KAZN: variants seen among roughly 807,000 people sequenced by gnomAD.
KAZN encodes the protein kazrin.
A neutral mutation model predicts 87.4 loss-of-function variants in KAZN; 40 were observed. The observed-to-expected ratio is 0.46, with a 90% confidence interval of 0.36 to 0.60. The LOEUF is 0.60. Ranked by LOEUF, KAZN falls within the 20% of genes least tolerant of loss-of-function variation. The pLI is 0.00. For synonymous variants in KAZN, 466 were observed against 458.3 expected (o/e 1.02, Z -0.22); for missense variants, 898 against 1,073.9 (o/e 0.84, Z 2.29).
At chr1:14,411,064 TTAAAA>T (rs1234961574) in intron 2 of KAZN, among the ~76,000 whole-genome samples, 3 of 152,062 alleles carry the variant, frequency 2.0e-5, no homozygotes, top group African/African-American at 4.8e-5. Flanking sequence ...GAAAGATAAA[TTAAAA>T]TAAATCTACA....
chr1:14,722,027 T>C (rs1253147180), intron 1 of KAZN, among the ~76,000 whole-genome samples: 1 of 151,964 alleles, frequency 6.6e-6, no homozygotes, highest in Non-Finnish European at 1.5e-5. Flanking sequence ...TGGTGGTGCA[T>C]GCCTGTAATC....
rs1448579195 is a variant in KAZN, at chr1:14,055,034, A to G, written c.92-125401A>G. 2.0e-5 allele frequency among the ~76,000 whole-genome samples: 3 copies of G among 152,184 alleles called. No homozygotes were observed. In the East Asian group the frequency reaches 5.8e-4, roughly 29 times the overall value. The stretch of plus-strand genomic sequence containing the variant: ...CATCTATGGCCTCTACTCACTAGAT[A>G]TCAGTGGTCCTTATCTTCACCTTCC... On this transcript the variant is annotated intron_variant, in intron 1 of 16. Coordinates refer to the KAZN transcript ENST00000636203.
At chr1:14,042,090 A>G (rs1317705756) in intron 1 of KAZN, among the ~76,000 whole-genome samples, 1 of 151,702 alleles carries the variant, frequency 6.6e-6, no homozygotes, top group Non-Finnish European at 1.5e-5. Context: ...TTTGTCTACT[A>G]CTTATTGTTT....
chr1:14,032,587 C>G (rs953141166), intron 1 of KAZN, among the ~76,000 whole-genome samples: 2 of 152,162 alleles, frequency 1.3e-5, no homozygotes, highest in African/African-American at 4.8e-5. Context: ...ACTTTTTCCT[C>G]TCTCTCAGTC....
intron 1 of KAZN, among the ~76,000 whole-genome samples, chr1:14,007,565 T>G (rs568232340): frequency 9.8e-5 from 15 of 152,344 alleles, no homozygotes; most frequent in Admixed American, 5.2e-4. Context: ...ACACTATCCA[T>G]GTCTGGCACT....
intron 1 of KAZN, among the ~76,000 whole-genome samples, chr1:13,993,354 G>C (rs1419078377): frequency 6.6e-6 from 1 of 152,062 alleles, no homozygotes; most frequent in Non-Finnish European, 1.5e-5. Context: ...GAGTTTACCA[G>C]GTTTTAGTAA....
chr1:14,596,060 G>A (rs142643318), upstream of KAZN, among the ~76,000 whole-genome samples: 288 of 152,192 alleles, frequency 1.9e-3, no homozygotes, highest in Middle Eastern at 3.4e-3. Context: ...TCTCACTGAA[G>A]AGCAAAATGA....
At chr1:14,558,896 G>A (rs1674081556) in intron 2 of KAZN, among the ~76,000 whole-genome samples, 1 of 152,122 alleles carries the variant, frequency 6.6e-6, no homozygotes, top group Admixed American at 6.5e-5. Context: ...CAGTCTCATG[G>A]GGCATGGAGA....
intron 1 of KAZN, among the ~76,000 whole-genome samples, chr1:14,019,056 A>C (rs1289051999): frequency 2.6e-5 from 4 of 152,146 alleles, no homozygotes; most frequent in Non-Finnish European, 5.9e-5. Flanking sequence ...GTGGCCTTTT[A>C]ACTTTCAAAA....
At chr1:14,520,514 G>T (rs1671530286) in intron 2 of KAZN, among the ~76,000 whole-genome samples, 2 of 152,168 alleles carry the variant, frequency 1.3e-5, no homozygotes, top group South Asian at 4.1e-4. Context: ...CTAATCCAAT[G>T]CCCATCTCCA....
At chr1:14,774,061 A>G (rs1003082381) in intron 1 of KAZN, among the ~76,000 whole-genome samples, 1 of 152,204 alleles carries the variant, frequency 6.6e-6, no homozygotes, top group South Asian at 2.1e-4. Flanking sequence ...AGGAGACCCA[A>G]CGCTAGCAAA....
intron 2 of KAZN, among the ~76,000 whole-genome samples, chr1:14,514,380 A>AT (rs1671116663): frequency 4.6e-5 from 1 of 21,744 alleles, no homozygotes; most frequent in African/African-American, 1.9e-4. Context: ...TATATAATAT[A>AT]TATATATTAT....
chr1:15,082,708 T>C (rs986955510), intron 8 of KAZN, among the ~76,000 whole-genome samples: 1 of 152,204 alleles, frequency 6.6e-6, no homozygotes, highest in Non-Finnish European at 1.5e-5. Context: ...TTTTGTTTTG[T>C]TTGAGACGGA....
At chr1:14,809,796 GCT>G (rs1244103838) in intron 1 of KAZN, among the ~76,000 whole-genome samples, 1 of 152,144 alleles carries the variant, frequency 6.6e-6, no homozygotes, top group East Asian at 1.9e-4. Flanking sequence ...TGGCTGGGAG[GCT>G]TGCAGTCTGA....
At chr1:14,124,941 A>G (rs1273028018) in intron 1 of KAZN, among the ~76,000 whole-genome samples, 1 of 152,152 alleles carries the variant, frequency 6.6e-6, no homozygotes, top group Non-Finnish European at 1.5e-5. Context: ...TAAGTGAATC[A>G]ATAAGGGCTT....
rs138524484 is a variant in KAZN at position 14,259,890 on chromosome 1, T to C, written c.249+79298T>C. On this transcript the variant is annotated intron_variant, in intron 2 of 16. Transcript: ENST00000636203. ...AGGAAATACCAGAGCTGCAGAGATA[T>C]TGATCACTCTCCCCTTGAACATATA... Among the ~76,000 whole-genome samples the C allele has an allele frequency of 8.3e-3, 1,258 of 152,304 alleles. 8 individuals are homozygous for C. Among genetic ancestry groups the C allele is most frequent in the Non-Finnish European group, 0.013 (904 of 68,008 alleles).
At chr1:15,067,722 G>A (rs1444145637) in intron 8 of KAZN, 1 of 985,330 alleles carries the variant, frequency 1.0e-6, no homozygotes, top group East Asian at 1.1e-4. Flanking sequence ...ACAGCAAGCA[G>A]GCAGAGGCCC....
At position 15,114,457 on chromosome 1, in the gene KAZN, TC is replaced by T; in HGVS notation, c.2164-13del. 6.3e-7 allele frequency: 1 copy of T among 1,599,638 alleles called. No homozygotes were observed. The highest frequency in any genetic ancestry group is 1.1e-5 in the South Asian group (1 of 88,764). ...TCTTCTTCCTGTCCTTTGATCATAT[TC>T]TTCTCTTCTCAGCTGCCCCTGGGGA... On this transcript the variant is annotated splice_polypyrimidine_tract_variant and intron_variant, in intron 14 of 14. Transcript: ENST00000376030.
intron 2 of KAZN, among the ~76,000 whole-genome samples, chr1:14,395,757 G>A (rs1341760829): frequency 6.6e-6 from 1 of 152,176 alleles, no homozygotes; most frequent in East Asian, 1.9e-4. Flanking sequence ...CTCGCGCTGA[G>A]TTAGAAGACG....
Sources: allele counts gnomAD v4.1 joint callset (sites outside exome capture counted in the v4.1 genomes callset), GRCh38; gene constraint gnomAD v4.1.1; transcripts MANE v1.5; gene names NCBI Gene and HGNC (gene_info 2026-07-23, HGNC 2026-07-21).